CDH1: variants seen among roughly 807,000 people sequenced by gnomAD.
CDH1 encodes cadherin-1.
CDH1 carries 35 observed loss-of-function variants against 84.5 expected under a neutral mutation model. The ratio of observed to expected loss-of-function variants is 0.41; its 90% CI spans 0.32 to 0.55. The LOEUF (loss-of-function observed/expected upper bound fraction) is 0.55. Among genes scored for constraint, CDH1 ranks in the 20% least tolerant of loss-of-function variants. CDH1 has a pLI of 0.19. For synonymous variants in CDH1, 417 were observed against 439.0 expected (o/e 0.95, Z 0.63); for missense variants, 994 against 1,126.6 (o/e 0.88, Z 1.68).
intron 2 of CDH1, among the ~76,000 whole-genome samples, chr16:68,753,232 A>AAG (rs1962933218): frequency 6.6e-6 from 1 of 150,750 alleles, no homozygotes; most frequent in African/African-American, 2.4e-5. Context: ...AAAAAAAAAA[A>AAG]GCAAGGCCTG....
intron 2 of CDH1, among the ~76,000 whole-genome samples, chr16:68,741,397 G>A (rs1055961269): frequency 1.3e-5 from 2 of 152,132 alleles, no homozygotes; most frequent in African/African-American, 2.4e-5. Flanking sequence ...GACAGTGCAC[G>A]GAAGTGAAGG....
intron 2 of CDH1, among the ~76,000 whole-genome samples, chr16:68,743,019 T>G (rs1962607940): frequency 6.6e-6 from 1 of 152,230 alleles, no homozygotes; most frequent in Non-Finnish European, 1.5e-5. Flanking sequence ...CAAGGCCATG[T>G]AAAGAAGGCA....
At position 68,774,253 on chromosome 16, in the gene CDH1, G is replaced by A. The variant is rs373574233; in HGVS notation, c.164-27417G>A. ...AAAATGTTTGTTGATGGCTGGGTGC[G>A]GTCGCTCATGCCTGTAATCCTAGCA... On this transcript the variant is annotated intron_variant, in intron 2 of 15. Transcript: ENST00000261769. Among the ~76,000 whole-genome samples the A allele has an allele frequency of 3.5e-4, 53 of 152,244 alleles. 1 individual carries two copies. In the South Asian group the frequency reaches 7.7e-3, roughly 22 times the overall value.
At chr16:68,780,137 G>T (rs914803822) in intron 2 of CDH1, among the ~76,000 whole-genome samples, 1 of 150,358 alleles carries the variant, frequency 6.7e-6, no homozygotes, top group South Asian at 2.1e-4. Context: ...TTCCAAAGGG[G>T]ACCGTGTGGC....
chr16:68,758,680 G>T (rs1963083220), intron 2 of CDH1, among the ~76,000 whole-genome samples: 1 of 111,714 alleles, frequency 9.0e-6, no homozygotes, highest in South Asian at 3.5e-4. Flanking sequence ...GGGGCGGGGG[G>T]CGGGTAGTGT....
intron 2 of CDH1, among the ~76,000 whole-genome samples, chr16:68,753,212 CAAAA>C (rs55703202): frequency 2.9e-5 from 2 of 70,116 alleles, no homozygotes; most frequent in African/African-American, 5.8e-5. Flanking sequence ...GACTCAGTCT[CAAAA>C]AAAAAAAAAA....
intron 10 of CDH1, 38 bp downstream of exon 10, chr16:68,815,797 G>A: frequency 6.2e-7 from 1 of 1,610,858 alleles, no homozygotes. Flanking sequence ...TGCAGCAACT[G>A]GTTATTTTAT....
At chr16:68,739,475 T>G (rs1241424378) in intron 2 of CDH1, among the ~76,000 whole-genome samples, 2 of 152,012 alleles carry the variant, frequency 1.3e-5, no homozygotes, top group African/African-American at 2.4e-5. Flanking sequence ...ATGTTGCCCA[T>G]GCTGGTGTTG....
intron 11 of CDH1, among the ~76,000 whole-genome samples, chr16:68,820,541 G>A (rs1416176355): frequency 6.6e-6 from 1 of 151,900 alleles, no homozygotes. Context: ...TAGTAGAAAC[G>A]GGGTTTCACC....
intron 10 of CDH1, among the ~76,000 whole-genome samples, 157 bp downstream of exon 10, chr16:68,815,916 C>T (rs940676249): frequency 6.6e-6 from 1 of 152,238 alleles, no homozygotes; most frequent in African/African-American, 2.4e-5. Flanking sequence ...GTGCTCCTTT[C>T]ACCTGTTCCC....
chr16:68,789,292 A>G (rs1960148920), intron 2 of CDH1, among the ~76,000 whole-genome samples: 1 of 151,948 alleles, frequency 6.6e-6, no homozygotes, highest in Non-Finnish European at 1.5e-5. Flanking sequence ...CAGCCTCCCC[A>G]AAGTGCTGGG....
At chr16:68,812,403 C>A in intron 8 of CDH1, 140 bp downstream of exon 8, 1 of 985,496 alleles carries the variant, frequency 1.0e-6, no homozygotes, top group Non-Finnish European at 1.6e-6. Flanking sequence ...TAAAAGCAAG[C>A]ATCTTGAGAT....
intron 13 of CDH1, among the ~76,000 whole-genome samples, chr16:68,827,477 C>G (rs1961351323): frequency 6.6e-6 from 1 of 151,188 alleles, no homozygotes; most frequent in South Asian, 2.1e-4. Context: ...TTGTGTATAT[C>G]CTAGAAATAA....
In CDH1 at chr16:68,833,583, T is replaced by C. The variant is rs1308956208; in HGVS notation, c.*84T>C. The C allele has an allele frequency of 2.0e-5, 21 of 1,031,268 alleles. No homozygotes were observed. The East Asian group carries it at 5.0e-4, about 24-fold the overall frequency. The allele number at this position is 1,031,268 out of a possible 1,614,324, so 63.9% of individuals were successfully genotyped here. A position where few individuals can be genotyped will look rare whatever the true frequency, so the allele number is the denominator to read the frequency against. On this transcript the variant is annotated 3_prime_UTR_variant, in exon 16 of 16. Transcript: ENST00000261769. Reference sequence around the variant, plus strand: ...CTGGTGGTTTTTCAGCTCCCTTCCCTTGAGATGAGTTTCTGGGGAAAAAAA... The same window carrying C: ...CTGGTGGTTTTTCAGCTCCCTTCCCCTGAGATGAGTTTCTGGGGAAAAAAA...
In CDH1 at chr16:68,786,516, CTTTCTTTTTTTTTT is replaced by C. The variant is rs1478303871; in HGVS notation, c.164-15136_164-15123del. ...AGCCCCCCAGTCTGAGATCTTTCTG[CTTTCTTTTTTTTTT>C]TTTCTTTTTTTTTTTTTTTTTTTGG... On this transcript the variant is annotated intron_variant, in intron 2 of 15. Transcript: ENST00000261769. 3.8e-5 allele frequency among the ~76,000 whole-genome samples: 3 copies of C among 79,122 alleles called. No individual in the cohort carries two copies. In the East Asian group the frequency reaches 9.3e-4, roughly 25 times the overall value. The allele number at this position is 79,122 out of a possible 152,430, so 51.9% of individuals were successfully genotyped here.
At chr16:68,775,495 C>G (rs1221144540) in intron 2 of CDH1, among the ~76,000 whole-genome samples, 3 of 152,124 alleles carry the variant, frequency 2.0e-5, no homozygotes, top group African/African-American at 7.2e-5. Flanking sequence ...GGTGTTCTTG[C>G]CTTTGGTTTG....
intron 2 of CDH1, among the ~76,000 whole-genome samples, chr16:68,790,385 C>T (rs2152123581): frequency 6.6e-6 from 1 of 152,228 alleles, no homozygotes; most frequent in East Asian, 1.9e-4. Context: ...AATCAGTAAG[C>T]AAACAGTTCC....
At chr16:68,792,579 G>A (rs533668625) in intron 2 of CDH1, among the ~76,000 whole-genome samples, 2 of 152,248 alleles carry the variant, frequency 1.3e-5, no homozygotes, top group East Asian at 3.9e-4. Context: ...CCCCCGGGCT[G>A]GTTCTGATCA....
At chr16:68,762,009 G>GT (rs1959233899) in intron 2 of CDH1, among the ~76,000 whole-genome samples, 1 of 152,236 alleles carries the variant, frequency 6.6e-6, no homozygotes, top group Admixed American at 6.5e-5. Flanking sequence ...ATTCTGGGCA[G>GT]TGGAGCCTGA....
Sources: allele counts gnomAD v4.1 joint callset (sites outside exome capture counted in the v4.1 genomes callset), GRCh38; gene constraint gnomAD v4.1.1; transcripts MANE v1.5; gene names NCBI Gene and HGNC (gene_info 2026-07-23, HGNC 2026-07-21).